Variants in LRSAM1 observed in about 807,000 individuals in gnomAD.
The protein encoded by LRSAM1 is leucine rich repeat and sterile alpha motif containing 1, also known as E3 ubiquitin-protein ligase LRSAM1.
In LRSAM1, 96 loss-of-function variants were observed where a neutral mutation model predicts 118.1. The observed-to-expected ratio is 0.81, with a 90% confidence interval of 0.69 to 0.96. The LOEUF is 0.96. Among genes scored for constraint, LRSAM1 ranks in the 40% least tolerant of loss-of-function variants. The pLI is 0.00. For missense variants in LRSAM1, 804 were observed against 915.5 expected (o/e 0.88, Z 1.57); for synonymous variants, 322 against 364.2 (o/e 0.88, Z 1.32).
intron 11 of LRSAM1, among the ~76,000 whole-genome samples, chr9:127,475,047 T>TTTATTTTTA (rs1835303377): frequency 6.7e-6 from 1 of 149,176 alleles, no homozygotes; most frequent in African/African-American, 2.5e-5. Context: ...CATTTGGGAT[T>TTTATTTTTA]TTATTATTAT....
intron 10 of LRSAM1, among the ~76,000 whole-genome samples, chr9:127,472,733 C>A (rs772178423): frequency 1.3e-5 from 2 of 152,030 alleles, no homozygotes; most frequent in Non-Finnish European, 2.9e-5. Context: ...CTTTTTTTGT[C>A]TCTCAAGAAA....
intron 7 of LRSAM1, among the ~76,000 whole-genome samples, chr9:127,460,354 G>A (rs1378625010): frequency 2.0e-5 from 3 of 152,148 alleles, no homozygotes; most frequent in Non-Finnish European, 4.4e-5. Context: ...TGCTCACCTC[G>A]AGGTACCACC....
Position 127,487,761 on chromosome 9 carries a change from G to T in LRSAM1, c.1345G>T (p.Glu449Ter). The T allele has an allele frequency of 6.2e-7, 1 of 1,612,378 alleles. No individual in the cohort carries two copies. ...QNKAISQILQ[E>*]SAMQKAAFEA... ...CAAAGCCATCAGCCAGATCCTGCAG[G>T]AGGTGAGCCCTCGCCCAGAGCCTGA... The change falls in exon 18 of 26, where the codon GAG (glutamate) becomes TAG (stop). Residue 449 changes from glutamate (E) to a stop codon, truncating the protein, a stop_gained and splice_region_variant. Transcript: ENST00000300417. LOFTEE classifies it high-confidence loss of function.
chr9:127,489,022 G>A (rs1835832022), intron 18 of LRSAM1, among the ~76,000 whole-genome samples: 1 of 152,096 alleles, frequency 6.6e-6, no homozygotes, highest in Non-Finnish European at 1.5e-5. Flanking sequence ...TTCTAAAATG[G>A]TTTGACTTAG....
At chr9:127,491,995 T>G (rs949881279) in intron 20 of LRSAM1, among the ~76,000 whole-genome samples, 18 of 152,188 alleles carry the variant, frequency 1.2e-4, no homozygotes, top group African/African-American at 4.3e-4. Context: ...AGCAGAGCCT[T>G]CGGTCTGTCA....
intron 19 of LRSAM1, 23 bp from the exon 20 acceptor site, chr9:127,491,192 A>C (rs1209040560): frequency 5.0e-6 from 8 of 1,604,352 alleles, no homozygotes; most frequent in Non-Finnish European, 6.8e-6. Flanking sequence ...GTAAAAAAAA[A>C]CCCTGTCTCG....
intron 14 of LRSAM1, among the ~76,000 whole-genome samples, chr9:127,480,317 G>A (rs374895470): frequency 1.6e-4 from 25 of 152,296 alleles, no homozygotes; most frequent in African/African-American, 2.9e-4. Flanking sequence ...TGGGTTCTGC[G>A]TAACCCGTTG....
intron 7 of LRSAM1, 121 bp from the exon 8 acceptor site, chr9:127,461,052 C>T: frequency 1.6e-6 from 1 of 644,464 alleles, no homozygotes; most frequent in East Asian, 3.8e-5. Flanking sequence ...GATGGGATTT[C>T]ACTATGTTGG....
intron 18 of LRSAM1, among the ~76,000 whole-genome samples, chr9:127,489,238 C>T (rs1446902913): frequency 6.6e-6 from 1 of 152,174 alleles, no homozygotes; most frequent in Non-Finnish European, 1.5e-5. Flanking sequence ...GGTGCGATGC[C>T]GGAAGTGCAT....
intron 15 of LRSAM1, among the ~76,000 whole-genome samples, chr9:127,481,495 G>A (rs1423497229): frequency 2.6e-5 from 4 of 151,880 alleles, no homozygotes; most frequent in East Asian, 2.0e-4. Flanking sequence ...TGATCTGCCC[G>A]CCTCGGCCTC....
intron 22 of LRSAM1, 119 bp from the exon 23 acceptor site, chr9:127,495,845 G>GA (rs1326715334): frequency 2.0e-6 from 3 of 1,471,858 alleles, no homozygotes; most frequent in Non-Finnish European, 2.7e-6. Context: ...GTTTTTGTAG[G>GA]AAAAATCCCG....
chr9:127,477,869 G>A (rs1835394933), intron 11 of LRSAM1, among the ~76,000 whole-genome samples: 1 of 152,068 alleles, frequency 6.6e-6, no homozygotes, highest in African/African-American at 2.4e-5. Flanking sequence ...CCAATATGGT[G>A]AAACCCTGTC....
chr9:127,493,021 C>G, intron 21 of LRSAM1, 124 bp downstream of exon 21: 1 of 822,636 alleles, frequency 1.2e-6, no homozygotes, highest in South Asian at 1.5e-5. Flanking sequence ...CTGGAAAGTA[C>G]AAAGGAAAAT....
chr9:127,479,530 C>G (rs761235141), intron 13 of LRSAM1, 25 bp downstream of exon 13: 1 of 1,612,706 alleles, frequency 6.2e-7, no homozygotes, highest in African/African-American at 1.3e-5. Flanking sequence ...TGCTAGGGTC[C>G]AGCCTGGCTG....
At chr9:127,459,462 A>G (rs1474299240) in intron 7 of LRSAM1, among the ~76,000 whole-genome samples, 3 of 151,172 alleles carry the variant, frequency 2.0e-5, no homozygotes, top group African/African-American at 7.3e-5. Context: ...CAAGTTATCC[A>G]CTCACTTTGG....
At chr9:127,481,768 A>T (rs905069740) in intron 15 of LRSAM1, among the ~76,000 whole-genome samples, 2 of 152,076 alleles carry the variant, frequency 1.3e-5, no homozygotes, top group African/African-American at 4.8e-5. Flanking sequence ...TAGTATAAAA[A>T]GTTCAGGCCA....
intron 19 of LRSAM1, 72 bp downstream of exon 19, chr9:127,489,590 G>C: frequency 6.6e-7 from 1 of 1,512,656 alleles, no homozygotes. Flanking sequence ...AGGGCGGCAG[G>C]TCGCAGCAGT....
intron 10 of LRSAM1, among the ~76,000 whole-genome samples, chr9:127,469,900 G>A (rs909460688): frequency 6.6e-6 from 1 of 152,124 alleles, no homozygotes; most frequent in African/African-American, 2.4e-5. Context: ...GGGAGGAGGA[G>A]CTTGCAGTGA....
rs1442123730 is a variant in LRSAM1 at position 127,492,871 on chromosome 9, C to A, written c.1573C>A (p.Arg525=). 3.7e-6 allele frequency: 6 copies of A among 1,613,996 alleles called. No individual in the cohort carries two copies. Among genetic ancestry groups the A allele is most frequent in the Non-Finnish European group, 5.1e-6 (6 of 1,180,010 alleles). The change falls in exon 21 of 26, where the codon CGA becomes AGA. Residue 525 remains arginine, a synonymous_variant. Transcript: ENST00000300417. ...LQQLLKEKQQ[R]EEELREILTE... ...GCAGCTGCTCAAAGAGAAGCAGCAG[C>A]GAGAGGAAGAGCTCCGGGAAATCCT...
Sources: allele counts gnomAD v4.1 joint callset (sites outside exome capture counted in the v4.1 genomes callset), GRCh38; gene constraint gnomAD v4.1.1; transcripts MANE v1.5; gene names NCBI Gene and HGNC (gene_info 2026-07-23, HGNC 2026-07-21).